The following CCNJL variants were observed in gnomAD, a reference collection of about 807,000 sequenced individuals.
CCNJL encodes the protein cyclin J like, also known as cyclin-J-like protein.
A neutral mutation model predicts 33.4 loss-of-function variants in CCNJL; 33 were observed. The ratio of observed to expected loss-of-function variants is 0.99; its 90% confidence interval spans 0.75 to 1.32. The LOEUF is 1.32. Among genes scored for constraint, CCNJL ranks in the 40% most tolerant of loss-of-function variants. The pLI is 0.00. For synonymous variants in CCNJL, 227 were observed against 220.9 expected (o/e 1.03, Z -0.24); for missense variants, 512 against 499.7 (o/e 1.02, Z -0.23).
chr5:160,287,860 T>G (rs1762459679), intron 2 of CCNJL, among the ~76,000 whole-genome samples: 1 of 147,404 alleles, frequency 6.8e-6, no homozygotes, highest in Non-Finnish European at 1.5e-5. Context: ...GGTGAGAGTG[T>G]GGGCAGCAGA....
chr5:160,253,826 T>A, intron 5 of CCNJL, 28 bp from the exon 6 acceptor site: 10 of 1,489,174 alleles, frequency 6.7e-6, no homozygotes, highest in Non-Finnish European at 8.0e-6. Flanking sequence ...GGGTGAGAAC[T>A]GGAGGCCAAA....
rs147042462 is a variant in CCNJL, at chr5:160,338,430, T to C, written n.206+1015A>G. On this transcript the variant is annotated intron_variant and non_coding_transcript_variant, in intron 1 of 7. Transcript: ENST00000377503. ...CCACCCCCCAAAAAAAGCCAAACCT[T>C]CTCTTTGTCTCTGGAACGTATCTTC... Among the ~76,000 whole-genome samples the C allele has an allele frequency of 1.6e-4, 23 of 143,490 alleles. No individual in the cohort carries two copies. The East Asian group carries it at 4.4e-3, about 27-fold the overall frequency. The allele number at this position is 143,490 out of a possible 152,430, so 94.1% of individuals were successfully genotyped here. A position where few individuals can be genotyped will look rare whatever the true frequency, so the allele number is the denominator to read the frequency against.
intron 2 of CCNJL, among the ~76,000 whole-genome samples, chr5:160,304,532 A>C (rs1763030011): frequency 6.6e-6 from 1 of 150,980 alleles, no homozygotes; most frequent in South Asian, 2.1e-4. Flanking sequence ...CAAACATAAG[A>C]TAGCCCTGCC....
intron 3 of CCNJL, among the ~76,000 whole-genome samples, chr5:160,260,725 AC>A (rs750575339): frequency 1.5e-4 from 23 of 152,160 alleles, no homozygotes; most frequent in Non-Finnish European, 3.2e-4. Context: ...GTGGCCGTGG[AC>A]CCTGTCCTTG....
chr5:160,288,442 A>G (rs1224294086), intron 2 of CCNJL, among the ~76,000 whole-genome samples: 1 of 152,100 alleles, frequency 6.6e-6, no homozygotes. Context: ...TCATAATAAC[A>G]CCCCATGCCC....
intron 3 of CCNJL, among the ~76,000 whole-genome samples, chr5:160,275,926 C>A (rs1382553826): frequency 6.6e-6 from 1 of 152,156 alleles, no homozygotes; most frequent in Non-Finnish European, 1.5e-5. Context: ...CATAATCCAA[C>A]CCATAGGCAT....
chr5:160,259,362 G>T (rs988587727), intron 4 of CCNJL, 107 bp downstream of exon 4: 9 of 968,920 alleles, frequency 9.3e-6, no homozygotes, highest in Non-Finnish European at 1.4e-5. Context: ...ACAGGCCCCA[G>T]TGAGAAGGCC....
chr5:160,330,508 C>T (rs1394344498), intron 1 of CCNJL, among the ~76,000 whole-genome samples: 1 of 152,164 alleles, frequency 6.6e-6, no homozygotes, highest in Non-Finnish European at 1.5e-5. Flanking sequence ...CCCCTTGTCA[C>T]TGCCATTCTC....
chr5:160,322,169 G>A (rs1279260818), intron 1 of CCNJL, among the ~76,000 whole-genome samples: 7 of 152,250 alleles, frequency 4.6e-5, no homozygotes. Context: ...ATGACCCCAG[G>A]TTTTACCTCT....
chr5:160,312,107 C>T, intron 1 of CCNJL, 135 bp from the exon 2 acceptor site: 1 of 613,288 alleles, frequency 1.6e-6, no homozygotes, highest in South Asian at 2.0e-5. Context: ...AGCTGGAGGT[C>T]GCCTCTGGTC....
chr5:160,294,543 G>T (rs971069703), intron 2 of CCNJL, among the ~76,000 whole-genome samples: 1 of 152,196 alleles, frequency 6.6e-6, no homozygotes, highest in Non-Finnish European at 1.5e-5. Context: ...AGCCACAGCT[G>T]CCAGGGCATC....
intron 3 of CCNJL, among the ~76,000 whole-genome samples, chr5:160,261,921 A>G (rs1761353320): frequency 6.6e-6 from 1 of 152,206 alleles, no homozygotes; most frequent in South Asian, 2.1e-4. Context: ...TAGGTACCCA[A>G]TAAATATTTG....
intron 3 of CCNJL, among the ~76,000 whole-genome samples, chr5:160,267,682 C>T (rs181625782): frequency 9.0e-4 from 137 of 152,216 alleles, no homozygotes; most frequent in African/African-American, 3.2e-3. Flanking sequence ...CCCATCTAAC[C>T]GCCCTGTTCT....
chr5:160,287,302 G>A (rs1762437828), intron 2 of CCNJL, among the ~76,000 whole-genome samples: 1 of 152,140 alleles, frequency 6.6e-6, no homozygotes, highest in South Asian at 2.1e-4. Context: ...AAGGCTCTTT[G>A]GGCTTTCAAA....
Position 160,250,224 on chromosome 5 carries a change from C to T in CCNJL, c.*3154G>A, listed in dbSNP as rs558325767. On this transcript the variant is annotated 3_prime_UTR_variant, in exon 6 of 6. Coordinates refer to ENST00000257536, the MANE Select transcript of CCNJL (RefSeq NM_001308173.3). The stretch of plus-strand genomic sequence containing the variant: ...TAGAACCATCCACCAACTTGACCAT[C>T]TCCATAGTAACAGATGGAGAAATGG... The T allele has an allele frequency of 9.6e-4, 146 of 152,370 alleles. No homozygotes were observed. The highest frequency in any genetic ancestry group is 3.4e-3 in the African/African-American group (140 of 41,582). The allele number at this position is 152,370 out of a possible 1,614,324, so 9.4% of individuals were successfully genotyped here. A position where few individuals can be genotyped will look rare whatever the true frequency, so the allele number is the denominator to read the frequency against.
chr5:160,280,665 G>A lies in CCNJL; in HGVS notation c.140C>T (p.Thr47Ile), dbSNP rs1339813233. ...GAGCTGGCAGTGGCTGCTCAGCAGG[G>A]TCAGGATGTCCACGAAGAACCGGCG... The part of the protein sequence containing the change: ...KSRRFFVDIL[T>I]LLSSHCQLCP... Residue 47 changes from threonine to isoleucine, a missense_variant, in exon 3 of 6, where the codon ACC becomes ATC. Physicochemically the swap from Thr to Ile is moderately conservative, Grantham distance 89. Coordinates refer to ENST00000257536, the MANE Select transcript of CCNJL (RefSeq NM_001308173.3). The A allele has an allele frequency of 1.2e-6, 2 of 1,613,566 alleles. No individual in the cohort carries two copies. Among genetic ancestry groups the A allele is most frequent in the Non-Finnish European group, 1.7e-6 (2 of 1,179,936 alleles).
At chr5:160,281,795 C>A (rs1314122910) in intron 2 of CCNJL, among the ~76,000 whole-genome samples, 1 of 152,110 alleles carries the variant, frequency 6.6e-6, no homozygotes, top group African/African-American at 2.4e-5. Context: ...GGACTACAGG[C>A]ATTCATCACT....
chr5:160,320,834 T>TTTCTTTCCTTCC (rs1314873374), intron 1 of CCNJL, among the ~76,000 whole-genome samples: 1 of 120,140 alleles, frequency 8.3e-6, no homozygotes, highest in Non-Finnish European at 1.7e-5. Context: ...TCTTTCTTTC[T>TTTCTTTCCTTCC]TTCTTTCTTT....
intron 2 of CCNJL, among the ~76,000 whole-genome samples, chr5:160,306,103 G>A (rs1378931544): frequency 2.0e-5 from 3 of 152,012 alleles, no homozygotes; most frequent in Non-Finnish European, 2.9e-5. Context: ...GTGAAACCCC[G>A]CCTCTACTAA....
Sources: gnomAD v4.1 joint callset for allele counts (sites outside exome capture counted in the v4.1 genomes callset) on GRCh38, gnomAD v4.1.1 for gene constraint, MANE v1.5 for transcripts, NCBI Gene and HGNC (gene_info 2026-07-23, HGNC 2026-07-21) for gene names.